The following MOSPD2 variants were observed in gnomAD, a reference collection of about 807,000 sequenced individuals.
MOSPD2 encodes motile sperm domain containing 2.
MOSPD2 carries 5 observed loss-of-function variants against 41.7 expected under a neutral mutation model. That is an observed-to-expected ratio of 0.12 (90% CI 0.06 to 0.25). MOSPD2 has a LOEUF of 0.25. MOSPD2 is among the 10% of genes least tolerant of loss of function. The probability of loss-of-function intolerance (pLI) is 1.00; values close to 1 mark genes in which losing one functional copy is unlikely to be tolerated. For synonymous variants in MOSPD2, 115 were observed against 126.9 expected, an observed-to-expected ratio of 0.91 and a Z score of 0.63; for missense variants, 282 against 375.2, an observed-to-expected ratio of 0.75 and a Z score of 2.05.
At chrX:14,874,902 T>G (rs1418107183) in intron 2 of MOSPD2, among the ~76,000 whole-genome samples, 1 of 112,270 alleles carries the variant, frequency 8.9e-6, no homozygotes, top group African/African-American at 3.2e-5. Context: ...TATAGCTGGT[T>G]CCAATAAAGA....
At chrX:14,908,734 C>A in intron 7 of MOSPD2, 126 bp from the exon 8 acceptor site, 1 of 588,282 alleles carries the variant, frequency 1.7e-6, no homozygotes, top group Non-Finnish European at 2.5e-6. Context: ...AAGTACATCA[C>A]GTAAAGATAA....
intron 7 of MOSPD2, among the ~76,000 whole-genome samples, chrX:14,904,868 C>T (rs755955519): frequency 9.0e-6 from 1 of 111,346 alleles, no homozygotes; most frequent in Non-Finnish European, 1.9e-5. Flanking sequence ...TCAGTCTCCC[C>T]CAAGGTCTAC....
At chrX:14,882,450 T>A (rs1260798875) in intron 2 of MOSPD2, among the ~76,000 whole-genome samples, 1 of 111,548 alleles carries the variant, frequency 9.0e-6, no homozygotes, top group East Asian at 2.8e-4. Context: ...GAGACTATAG[T>A]AAATACAATG....
At chrX:14,880,915 G>T (rs1373837297) in intron 2 of MOSPD2, among the ~76,000 whole-genome samples, 2 of 111,375 alleles carry the variant, frequency 1.8e-5, no homozygotes, top group African/African-American at 3.3e-5. Context: ...TGTTTTTCTT[G>T]TGCAATATTG....
chrX:14,886,005 G>A (rs1284224760), intron 2 of MOSPD2, among the ~76,000 whole-genome samples: 1 of 111,451 alleles, frequency 9.0e-6, no homozygotes, highest in Non-Finnish European at 1.9e-5. Context: ...TGTGTATTGG[G>A]CAGAGTTGGA....
intron 3 of MOSPD2, chrX:14,893,324 G>A (rs1382862493): frequency 8.9e-6 from 1 of 112,354 alleles, no homozygotes; most frequent in African/African-American, 3.3e-5. Flanking sequence ...CCCCAAAAAT[G>A]CAAGCTTATC....
intron 3 of MOSPD2, chrX:14,893,094 T>G: frequency 3.4e-6 from 1 of 294,680 alleles, no homozygotes; most frequent in Non-Finnish European, 6.0e-6. Flanking sequence ...GAGAGCAGAA[T>G]CACACTCAGA....
At chrX:14,877,171 A>G (rs1241829284) in intron 2 of MOSPD2, among the ~76,000 whole-genome samples, 2 of 111,658 alleles carry the variant, frequency 1.8e-5, no homozygotes, top group Non-Finnish European at 3.8e-5. Flanking sequence ...TTTAGTTAAT[A>G]TGGAGAGCCA....
At chrX:14,909,256 T>A (rs1215246301) in intron 8 of MOSPD2, among the ~76,000 whole-genome samples, 2 of 111,728 alleles carry the variant, frequency 1.8e-5, no homozygotes, top group East Asian at 5.6e-4. Context: ...ACCTCCTACT[T>A]CTGTTTCCAA....
intron 8 of MOSPD2, among the ~76,000 whole-genome samples, chrX:14,909,645 A>G (rs1324986158): frequency 1.8e-5 from 2 of 111,844 alleles, no homozygotes; most frequent in African/African-American, 6.5e-5. Flanking sequence ...AAAAAACTGT[A>G]CAACTTATGG....
intron 4 of MOSPD2, 110 bp from the exon 5 acceptor site, chrX:14,896,974 A>G (rs1988216181): frequency 3.2e-6 from 2 of 617,491 alleles, no homozygotes; most frequent in Non-Finnish European, 4.6e-6. Flanking sequence ...TTTTTGATCT[A>G]AGAAATAAAA....
At position 14,908,719 on chromosome X, in the gene MOSPD2, T is replaced by C. The variant is rs758898099; in HGVS notation, c.578-141T>C. On this transcript the variant is annotated intron_variant, in intron 7 of 14. Transcript: ENST00000380492. ...AACGCCTACAGAAATTAGAGAATGT[T>C]AATTAAGTACATCACGTAAAGATAA... 5.1e-5 allele frequency: 25 copies of C among 485,884 alleles called. No homozygotes were observed. In the South Asian group the frequency reaches 7.6e-4, roughly 15 times the overall value. The allele number at this position is 485,884 out of a possible 1,213,427, so 40.0% of individuals were successfully genotyped here. A position where few individuals can be genotyped will look rare whatever the true frequency, so the allele number is the denominator to read the frequency against.
At chrX:14,910,957 C>CACACAA (rs1339638799) in intron 8 of MOSPD2, among the ~76,000 whole-genome samples, 6 of 109,237 alleles carry the variant, frequency 5.5e-5, no homozygotes, top group Non-Finnish European at 1.1e-4. Flanking sequence ...CACACACACA[C>CACACAA]ACAAACAACA....
intron 2 of MOSPD2, among the ~76,000 whole-genome samples, chrX:14,877,644 A>C (rs1024057867): frequency 9.8e-6 from 1 of 102,393 alleles, no homozygotes; most frequent in Non-Finnish European, 2.0e-5. Context: ...CCCGGCCTAC[A>C]GTCTTTTTTC....
chrX:14,878,878 G>T (rs2092526448), intron 2 of MOSPD2, among the ~76,000 whole-genome samples: 1 of 111,382 alleles, frequency 9.0e-6, no homozygotes, highest in Non-Finnish European at 1.9e-5. Context: ...ACACTCATGT[G>T]CTCACTACTC....
Position 14,908,843 on chromosome X carries a change from G to T in MOSPD2, c.578-17G>T. 8.5e-7 allele frequency: 1 copy of T among 1,172,698 alleles called. No individual in the cohort carries two copies. Among genetic ancestry groups the T allele is most frequent in the South Asian group, 1.9e-5 (1 of 52,510 alleles). ...GGAATGATGAGAATTTTAATGAAGT[G>T]ACTGGTTTTTCTTCAGCTGCTTTCA... On this transcript the variant is annotated splice_polypyrimidine_tract_variant and intron_variant, in intron 7 of 14. Coordinates refer to ENST00000380492, the MANE Select transcript of MOSPD2 (RefSeq NM_152581.4).
rs60077323 is a variant in MOSPD2 at position 14,902,957 on chromosome X, A to G, written c.539-9A>G. The G allele has an allele frequency of 1.7e-6, 2 of 1,148,771 alleles. No individual in the cohort carries two copies. The highest frequency in any genetic ancestry group is 1.2e-6 in the Non-Finnish European group (1 of 839,587). 94.7% of individuals were successfully genotyped at this position (1,148,771 alleles called of 1,213,427 possible). A position where few individuals can be genotyped will look rare whatever the true frequency, so the allele number is the denominator to read the frequency against. ...ATTCACATTCAATGAATTTTTTTTC[A>G]TCTTTCAGCAAAAATAGTGATCTTT... On this transcript the variant is annotated splice_polypyrimidine_tract_variant and intron_variant, in intron 6 of 14. Transcript: ENST00000380492.
At chrX:14,878,912 G>A (rs894788231) in intron 2 of MOSPD2, among the ~76,000 whole-genome samples, 2 of 111,657 alleles carry the variant, frequency 1.8e-5, no homozygotes, top group African/African-American at 6.5e-5. Context: ...GAGCCTCCCA[G>A]TACCTTAGAA....
chrX:14,894,386 G>A (rs1435267876), intron 3 of MOSPD2, among the ~76,000 whole-genome samples: 3 of 100,156 alleles, frequency 3.0e-5, no homozygotes, highest in East Asian at 6.1e-4. Context: ...GCGTGATCTC[G>A]GCTCACTACA....
Sources: allele counts gnomAD v4.1 joint callset (sites outside exome capture counted in the v4.1 genomes callset), GRCh38; gene constraint gnomAD v4.1.1; transcripts MANE v1.5; gene names NCBI Gene and HGNC (gene_info 2026-07-23, HGNC 2026-07-21).